GUCY1A2: variants seen among roughly 807,000 people sequenced by gnomAD.
GUCY1A2 encodes the protein guanylate cyclase soluble subunit alpha-2.
In GUCY1A2, 27 loss-of-function variants were observed where a neutral mutation model predicts 63.5. The ratio of observed to expected loss-of-function variants is 0.43; its 90% CI spans 0.31 to 0.59. GUCY1A2 has a LOEUF of 0.59. GUCY1A2 is among the 20% of genes least tolerant of loss of function. The probability of loss-of-function intolerance (pLI) is 0.11; values close to 1 mark genes in which losing one functional copy is unlikely to be tolerated. For missense variants in GUCY1A2, 768 were observed against 913.3 expected, an observed-to-expected ratio of 0.84 and a Z score of 2.05; for synonymous variants, 364 against 343.5, an observed-to-expected ratio of 1.06 and a Z score of -0.66.
intron 1 of GUCY1A2, among the ~76,000 whole-genome samples, chr11:106,994,506 G>A (rs550790730): frequency 4.6e-5 from 7 of 152,322 alleles, no homozygotes; most frequent in Non-Finnish European, 1.0e-4. Flanking sequence ...GAACTCCAGA[G>A]AGTAACACCA....
chr11:106,941,049 C>T (rs2119980386), intron 3 of GUCY1A2, among the ~76,000 whole-genome samples: 1 of 152,220 alleles, frequency 6.6e-6, no homozygotes, highest in African/African-American at 2.4e-5. Flanking sequence ...CAGGGAAAGA[C>T]ATGCAGGTCA....
intron 4 of GUCY1A2, among the ~76,000 whole-genome samples, chr11:106,888,716 T>C (rs1859934296): frequency 6.6e-6 from 1 of 152,192 alleles, no homozygotes; most frequent in South Asian, 2.1e-4. Context: ...AATGGTTTCC[T>C]TGTCCCATAA....
At chr11:106,806,506 A>G (rs1858688633) in intron 5 of GUCY1A2, among the ~76,000 whole-genome samples, 1 of 152,232 alleles carries the variant, frequency 6.6e-6, no homozygotes, top group Admixed American at 6.5e-5. Context: ...TTGCTTCAAT[A>G]GTCAATGCCA....
At chr11:106,742,662 T>C (rs1863715399) in intron 6 of GUCY1A2, among the ~76,000 whole-genome samples, 1 of 152,198 alleles carries the variant, frequency 6.6e-6, no homozygotes. Context: ...TGTGCATGTA[T>C]CTTTATAACA....
intron 4 of GUCY1A2, among the ~76,000 whole-genome samples, chr11:106,811,907 G>A (rs994446061): frequency 6.6e-6 from 1 of 152,078 alleles, no homozygotes; most frequent in South Asian, 2.1e-4. Flanking sequence ...GTATGGTGGA[G>A]AACCAAATCT....
At chr11:106,925,870 A>C (rs1375647827) in intron 4 of GUCY1A2, among the ~76,000 whole-genome samples, 2 of 152,234 alleles carry the variant, frequency 1.3e-5, no homozygotes, top group Non-Finnish European at 2.9e-5. Flanking sequence ...AAAATTGGGG[A>C]ATGAAATGTC....
chr11:106,769,580 A>G (rs1450847883), intron 6 of GUCY1A2, among the ~76,000 whole-genome samples: 1 of 152,168 alleles, frequency 6.6e-6, no homozygotes, highest in Non-Finnish European at 1.5e-5. Flanking sequence ...TATAGTTACA[A>G]ATAAATTTAC....
At chr11:106,901,732 C>T (rs957866223) in intron 4 of GUCY1A2, among the ~76,000 whole-genome samples, 1 of 150,416 alleles carries the variant, frequency 6.6e-6, no homozygotes, top group Non-Finnish European at 1.5e-5. Context: ...TGAGAACACG[C>T]AGTGTTTGAT....
chr11:106,939,553 A>G lies in GUCY1A2; in HGVS notation c.1113T>C (p.Val371=). ...EDCFEIVSPK[V]NATFERVLLR... ...GCAGGACCCTTTCAAAGGTGGCATTAACCTTTGGAGATACAATCTCGAAGC... is the reference window on the plus strand; with the variant it reads ...GCAGGACCCTTTCAAAGGTGGCATTGACCTTTGGAGATACAATCTCGAAGC... Residue 371 remains valine, a synonymous_variant, in exon 4 of 8, where the codon GTT becomes GTC. Transcript: ENST00000526355. 6.2e-7 allele frequency: 1 copy of G among 1,613,198 alleles called. No homozygotes were observed. The highest frequency in any genetic ancestry group is 8.5e-7 in the Non-Finnish European group (1 of 1,179,142).
At chr11:106,962,707 T>C (rs981933175) in intron 3 of GUCY1A2, among the ~76,000 whole-genome samples, 1 of 150,858 alleles carries the variant, frequency 6.6e-6, no homozygotes, top group African/African-American at 2.4e-5. Flanking sequence ...AAATTTGAAA[T>C]GTGAGAATAA....
chr11:106,917,883 T>C (rs1860389382), intron 4 of GUCY1A2, among the ~76,000 whole-genome samples: 2 of 138,480 alleles, frequency 1.4e-5, no homozygotes, highest in African/African-American at 2.5e-5. Flanking sequence ...ACAAGGCACA[T>C]GTATACATAT....
rs1015431243 is a variant in GUCY1A2, at chr11:106,847,340, G to C, written c.1207-36862C>G. On this transcript the variant is annotated intron_variant, in intron 4 of 7. Coordinates refer to ENST00000526355, the MANE Select transcript of GUCY1A2 (RefSeq NM_000855.3). ...TTTATGATTCTACATGTGATAAAAT[G>C]ACATATGATAAAATGAAGATGATAA... Among the ~76,000 whole-genome samples, 4 of 150,644 alleles carry C rather than the reference G, an allele frequency of 2.7e-5. No homozygotes were observed. In the East Asian group the frequency reaches 7.8e-4, roughly 29 times the overall value.
chr11:106,955,505 T>C (rs1474337445), intron 3 of GUCY1A2, among the ~76,000 whole-genome samples: 3 of 152,180 alleles, frequency 2.0e-5, no homozygotes, highest in South Asian at 2.1e-4. Flanking sequence ...CTGGTGGTAA[T>C]GAAATCCCTC....
At chr11:106,962,602 AG>A (rs1565344922) in intron 3 of GUCY1A2, among the ~76,000 whole-genome samples, 1 of 151,360 alleles carries the variant, frequency 6.6e-6, no homozygotes, top group Non-Finnish European at 1.5e-5. Flanking sequence ...GAGTGTGTGC[AG>A]GAATTGTGGG....
At position 106,678,517 on chromosome 11, in the gene GUCY1A2, T is replaced by TA; in HGVS notation, c.*9031dup. On this transcript the variant is annotated 3_prime_UTR_variant, in exon 8 of 8. Coordinates refer to ENST00000526355, the MANE Select transcript of GUCY1A2 (RefSeq NM_000855.3). ...TATTTTGCTAGCTTTTAAAGAGTGA[T>TA]ATTGACCATGAAGAAATAGTTCTTG... 1 of 213,724 alleles carries TA rather than the reference T, an allele frequency of 4.7e-6. No homozygotes were observed. The highest frequency in any genetic ancestry group is 9.5e-6 in the Non-Finnish European group (1 of 105,536). The allele number at this position is 213,724 out of a possible 1,614,324, so 13.2% of individuals were successfully genotyped here. A position where few individuals can be genotyped will look rare whatever the true frequency, so the allele number is the denominator to read the frequency against.
intron 5 of GUCY1A2, among the ~76,000 whole-genome samples, chr11:106,796,216 G>A (rs1419409055): frequency 6.6e-6 from 1 of 152,090 alleles, no homozygotes; most frequent in Non-Finnish European, 1.5e-5. Context: ...CACATGAGAT[G>A]GGTCTCCTGA....
intron 1 of GUCY1A2, among the ~76,000 whole-genome samples, chr11:107,017,134 T>C (rs1861834781): frequency 6.6e-6 from 1 of 151,852 alleles, no homozygotes; most frequent in Non-Finnish European, 1.5e-5. Context: ...AGCTACGGGG[T>C]GAGGACAACT....
At chr11:106,847,315 T>G (rs888402439) in intron 4 of GUCY1A2, among the ~76,000 whole-genome samples, 1 of 150,688 alleles carries the variant, frequency 6.6e-6, no homozygotes, top group Non-Finnish European at 1.5e-5. Flanking sequence ...CACATATATA[T>G]TTATGATTCT....
chr11:106,900,447 C>T (rs1204131602), intron 4 of GUCY1A2, among the ~76,000 whole-genome samples: 16 of 152,158 alleles, frequency 1.1e-4, no homozygotes. Flanking sequence ...CATGAGCCAC[C>T]TCTCCCAGCC....
Sources: allele counts gnomAD v4.1 joint callset (sites outside exome capture counted in the v4.1 genomes callset), GRCh38; gene constraint gnomAD v4.1.1; transcripts MANE v1.5; gene names NCBI Gene and HGNC (gene_info 2026-07-23, HGNC 2026-07-21).